The following TTC7A variants were observed in gnomAD, a reference collection of about 807,000 sequenced individuals.
TTC7A encodes the protein tetratricopeptide repeat protein 7A.
A neutral mutation model predicts 103.7 loss-of-function variants in TTC7A; 110 were observed. That is an observed-to-expected ratio of 1.06 (90% confidence interval 0.91 to 1.24). The LOEUF is 1.24. TTC7A is among the 50% of genes most tolerant of loss of function. The pLI is 0.00. For synonymous variants in TTC7A, 521 were observed against 467.9 expected, an observed-to-expected ratio of 1.11 and a Z score of -1.47; for missense variants, 1,340 against 1,116.3, an observed-to-expected ratio of 1.20 and a Z score of -2.86.
At chr2:47,022,786 T>C (rs1679441391) in intron 12 of TTC7A, among the ~76,000 whole-genome samples, 1 of 152,224 alleles carries the variant, frequency 6.6e-6, no homozygotes. Flanking sequence ...AAGTCTACTT[T>C]GAGCAAGACA....
At position 47,021,902 on chromosome 2, in the gene TTC7A, T is replaced by C. The variant is rs201100272; in HGVS notation, c.1433T>C (p.Leu478Pro). The C allele has an allele frequency of 1.2e-5, 20 of 1,614,182 alleles. No homozygotes were observed. Among genetic ancestry groups the C allele is most frequent in the African/African-American group, 2.7e-5 (2 of 75,060 alleles). ...AEHFAMMVIS[L>P]GEEAGEFLPK... Reference sequence around the variant, plus strand: ...CACTTTGCCATGATGGTGATCAGCCTCGGAGAGGAAGCCGGGGAGTTCCTC... The same window carrying C: ...CACTTTGCCATGATGGTGATCAGCCCCGGAGAGGAAGCCGGGGAGTTCCTC... Residue 478 changes from leucine to proline, a missense_variant, in exon 12 of 20, where the codon CTC becomes CCC. Physicochemically the swap from Leu to Pro is moderately conservative, Grantham distance 98 (BLOSUM62 -3). Transcript: ENST00000319190.
chr2:47,016,018 A>G (rs990006903), intron 11 of TTC7A, among the ~76,000 whole-genome samples: 11 of 152,296 alleles, frequency 7.2e-5, no homozygotes, highest in African/African-American at 2.6e-4. Context: ...AGTTCCCAGA[A>G]AGAGAGGAAC....
intron 15 of TTC7A, among the ~76,000 whole-genome samples, chr2:47,039,830 C>T (rs1051340201): frequency 2.0e-5 from 3 of 152,192 alleles, no homozygotes; most frequent in African/African-American, 7.2e-5. Flanking sequence ...GGGAGATTGG[C>T]AAAGCTGGTG....
chr2:47,006,692 C>G lies in TTC7A; in HGVS notation c.1255C>G (p.Gln419Glu). Residue 419 changes from glutamine to glutamate, a missense_variant, in exon 10 of 20, where the codon CAG (glutamine) becomes GAG (glutamate). Transcript: ENST00000319190. ...GTTTGGAGAATTTCACCTTTGGTAC[C>G]AGGTGGCCCTCTCCATGGTGGCTTG... ...FAFGEFHLWY[Q>E]VALSMVACGK... 1 of 1,614,156 alleles carries G rather than the reference C, an allele frequency of 6.2e-7. No individual in the cohort carries two copies. The highest frequency in any genetic ancestry group is 8.5e-7 in the Non-Finnish European group (1 of 1,179,994).
At chr2:47,027,362 G>A (rs1680027078) in intron 14 of TTC7A, among the ~76,000 whole-genome samples, 1 of 152,220 alleles carries the variant, frequency 6.6e-6, no homozygotes, top group South Asian at 2.1e-4. Flanking sequence ...CCAAACACAG[G>A]CTTAGCAGCC....
In TTC7A at chr2:47,019,836, T is replaced by C. The variant is rs979519120; in HGVS notation, c.1393-2026T>C. Among the ~76,000 whole-genome samples, 19 of 152,320 alleles carry C rather than the reference T, an allele frequency of 1.2e-4. No homozygotes were observed. The East Asian group carries it at 1.5e-3, about 12-fold the overall frequency. ...GGTGTTTGTAAGAAAGCTTTTTCTG[T>C]TTGAATGGAGCCTCATAATGCCTGA... On this transcript the variant is annotated intron_variant, in intron 11 of 19. Transcript: ENST00000319190.
intron 5 of TTC7A, 130 bp from the exon 6 acceptor site, chr2:46,993,320 C>T (rs1675815782): frequency 1.2e-6 from 1 of 819,298 alleles, no homozygotes; most frequent in South Asian, 1.6e-5. Flanking sequence ...TAACTTTTCA[C>T]TCCAGTTATC....
At chr2:47,073,115 G>A (rs970293448) in intron 19 of TTC7A, among the ~76,000 whole-genome samples, 8 of 152,048 alleles carry the variant, frequency 5.3e-5, no homozygotes, top group Non-Finnish European at 4.4e-5. Flanking sequence ...AGGAGCCACC[G>A]CACACGCACA....
At chr2:46,975,240 C>A in intron 4 of TTC7A, 137 bp downstream of exon 4, 1 of 1,167,630 alleles carries the variant, frequency 8.6e-7, no homozygotes. Context: ...CACTCTACTT[C>A]ATAGTTGGAA....
chr2:47,021,499 G>T (rs1462067433), intron 11 of TTC7A, among the ~76,000 whole-genome samples: 2 of 152,242 alleles, frequency 1.3e-5, no homozygotes, highest in East Asian at 3.8e-4. Flanking sequence ...CTGCCTGCCT[G>T]CTCCATGGGG....
intron 16 of TTC7A, chr2:47,047,161 C>T (rs1682409133): frequency 8.8e-6 from 6 of 678,398 alleles, no homozygotes; most frequent in African/African-American, 7.3e-5. Flanking sequence ...AGGTCAGGAG[C>T]CCTGCCTCTT....
chr2:46,998,974 G>C (rs1676506109), intron 8 of TTC7A, among the ~76,000 whole-genome samples: 1 of 152,032 alleles, frequency 6.6e-6, no homozygotes. Context: ...CCTAGTTTTG[G>C]GTCTTCGGAG....
At chr2:47,021,512 G>A (rs1303858489) in intron 11 of TTC7A, among the ~76,000 whole-genome samples, 1 of 152,228 alleles carries the variant, frequency 6.6e-6, no homozygotes, top group Non-Finnish European at 1.5e-5. Context: ...CCATGGGGCT[G>A]AGGACATCCA....
chr2:46,995,614 T>G (rs1676100236), intron 8 of TTC7A, among the ~76,000 whole-genome samples: 1 of 152,238 alleles, frequency 6.6e-6, no homozygotes, highest in Non-Finnish European at 1.5e-5. Flanking sequence ...AGGTTCCAGT[T>G]CTGCGTGTTA....
At chr2:47,028,260 A>G (rs901808648) in intron 14 of TTC7A, among the ~76,000 whole-genome samples, 2 of 152,198 alleles carry the variant, frequency 1.3e-5, no homozygotes, top group African/African-American at 4.8e-5. Flanking sequence ...CTCAGCCCTG[A>G]AATAGTCCCC....
At chr2:47,039,954 G>A (rs1006148949) in intron 15 of TTC7A, among the ~76,000 whole-genome samples, 2 of 152,232 alleles carry the variant, frequency 1.3e-5, no homozygotes, top group Non-Finnish European at 2.9e-5. Context: ...GGGCTGAGAT[G>A]TCCCCTGGTT....
chr2:46,942,412 C>T (rs1009143639), intron 1 of TTC7A, among the ~76,000 whole-genome samples: 1 of 152,190 alleles, frequency 6.6e-6, no homozygotes, highest in African/African-American at 2.4e-5. Context: ...CTTACCCTCC[C>T]TGAGTCCTCT....
intron 5 of TTC7A, among the ~76,000 whole-genome samples, chr2:46,992,541 G>A (rs112760393): frequency 4.3e-4 from 65 of 152,346 alleles, no homozygotes; most frequent in African/African-American, 1.5e-3. Context: ...GGCTGAGGTG[G>A]GAGAAAGGTG....
chr2:47,000,191 T>C (rs1676652082), intron 8 of TTC7A, among the ~76,000 whole-genome samples: 1 of 152,114 alleles, frequency 6.6e-6, no homozygotes, highest in African/African-American at 2.4e-5. Flanking sequence ...GATTCTGACT[T>C]AGTCATTTTT....
Sources: allele counts gnomAD v4.1 joint callset (sites outside exome capture counted in the v4.1 genomes callset), GRCh38; gene constraint gnomAD v4.1.1; transcripts MANE v1.5; gene names NCBI Gene and HGNC (gene_info 2026-07-23, HGNC 2026-07-21).